Variants in ANO4 observed in about 807,000 individuals in gnomAD.
ANO4 encodes the protein anoctamin 4, also known as anoctamin-4.
A neutral mutation model predicts 141.9 loss-of-function variants in ANO4; 69 were observed. The ratio of observed to expected loss-of-function variants is 0.49; its 90% confidence interval spans 0.40 to 0.59. The LOEUF (loss-of-function observed/expected upper bound fraction) is 0.59, where lower values mean the gene tolerates loss of function less well. Ranked by LOEUF, ANO4 falls within the 20% of genes least tolerant of loss-of-function variation. The pLI, the probability that ANO4 is intolerant of heterozygous loss-of-function variation, is 0.00. For missense variants in ANO4, 894 were observed against 1,162.2 expected (o/e 0.77, Z 3.36); for synonymous variants, 350 against 394.3 (o/e 0.89, Z 1.33).
intron 5 of ANO4, among the ~76,000 whole-genome samples, chr12:100,964,751 C>T (rs1407597729): frequency 1.3e-5 from 2 of 152,136 alleles, no homozygotes; most frequent in Non-Finnish European, 2.9e-5. Flanking sequence ...ATAGAACAGC[C>T]TCCCTGAGTA....
intron 9 of ANO4, among the ~76,000 whole-genome samples, chr12:101,033,616 G>T (rs2047073393): frequency 6.6e-6 from 1 of 152,116 alleles, no homozygotes; most frequent in Admixed American, 6.6e-5. Flanking sequence ...AAAAGCAATT[G>T]CAAGAAAAGC....
intron 1 of ANO4, among the ~76,000 whole-genome samples, chr12:100,874,171 G>T (rs2039177441): frequency 6.6e-6 from 1 of 152,240 alleles, no homozygotes; most frequent in Non-Finnish European, 1.5e-5. Context: ...TGCTGCAGGG[G>T]TGGAGTCCTC....
chr12:100,863,079 G>T (rs1013257236), intron 1 of ANO4, among the ~76,000 whole-genome samples: 3 of 152,182 alleles, frequency 2.0e-5, no homozygotes, highest in Non-Finnish European at 4.4e-5. Context: ...GAGCTAGAAA[G>T]GTTCCCAACA....
At chr12:101,116,843 C>T in intron 25 of ANO4, 45 bp downstream of exon 25, 1 of 1,612,654 alleles carries the variant, frequency 6.2e-7, no homozygotes, top group Non-Finnish European at 8.5e-7. Context: ...TGGGCTGGCT[C>T]CACCGTGGGG....
chr12:100,826,354 T>C (rs1565910795), intron 1 of ANO4, among the ~76,000 whole-genome samples: 1 of 152,066 alleles, frequency 6.6e-6, no homozygotes, highest in Admixed American at 6.6e-5. Context: ...ATTCTTTTGA[T>C]GTGATATAAT....
Position 100,828,396 on chromosome 12 carries a change from G to C in ANO4, c.-141+33369G>C, listed in dbSNP as rs189839417. ...GTCAAGGCCCTGGGTCTCTGCTAGT[G>C]CTTTCCCCATCCTTTAGCATTTCTT... On this transcript the variant is annotated intron_variant, in intron 1 of 27. Transcript: ENST00000392977. Among the ~76,000 whole-genome samples, 226 of 152,130 alleles carry C rather than the reference G, an allele frequency of 1.5e-3. 1 individual carries two copies. The highest frequency in any genetic ancestry group is 5.3e-3 in the African/African-American group (222 of 41,522).
chr12:100,868,884 G>T (rs2038894327), intron 1 of ANO4, among the ~76,000 whole-genome samples: 1 of 152,162 alleles, frequency 6.6e-6, no homozygotes, highest in South Asian at 2.1e-4. Context: ...TGATAGTTTT[G>T]TTTGTTTGTT....
intron 3 of ANO4, among the ~76,000 whole-genome samples, chr12:100,771,641 A>T (rs934563262): frequency 5.3e-5 from 8 of 152,176 alleles, no homozygotes; most frequent in African/African-American, 1.9e-4. Context: ...AGGGGAAGGG[A>T]TAGGAGTGAA....
intron 1 of ANO4, among the ~76,000 whole-genome samples, chr12:100,797,679 A>G (rs549494683): frequency 4.6e-5 from 7 of 151,960 alleles, no homozygotes; most frequent in African/African-American, 9.7e-5. Flanking sequence ...AATTACAACT[A>G]TCATCAAAAC....
At chr12:101,061,983 C>T (rs1248089270) in intron 14 of ANO4, among the ~76,000 whole-genome samples, 4 of 152,038 alleles carry the variant, frequency 2.6e-5, no homozygotes, top group African/African-American at 9.7e-5. Context: ...GAATTTTCAG[C>T]CTTTTTGTGC....
chr12:100,784,938 T>G (rs960685996), intron 3 of ANO4, among the ~76,000 whole-genome samples: 1 of 148,284 alleles, frequency 6.7e-6, no homozygotes, highest in Non-Finnish European at 1.5e-5. Flanking sequence ...ATTTTTTTTT[T>G]CATCTTTTCT....
intron 5 of ANO4, among the ~76,000 whole-genome samples, chr12:100,965,148 A>G (rs2043596387): frequency 6.6e-6 from 1 of 152,196 alleles, no homozygotes; most frequent in East Asian, 1.9e-4. Flanking sequence ...ATTGTCACCT[A>G]CACAACTTTG....
chr12:100,764,161 A>G (rs1298099577), intron 3 of ANO4, among the ~76,000 whole-genome samples: 2 of 152,250 alleles, frequency 1.3e-5, no homozygotes, highest in Non-Finnish European at 2.9e-5. Flanking sequence ...CAATTTCATT[A>G]CATTAATAAC....
chr12:100,788,683 A>G (rs1422253443), intron 3 of ANO4, among the ~76,000 whole-genome samples: 1 of 152,186 alleles, frequency 6.6e-6, no homozygotes, highest in Admixed American at 6.5e-5. Context: ...AATATTCAAG[A>G]AATCCATCTT....
At chr12:100,746,453 T>TTAAAAAAAAAAAAAAAAA (rs2032112848) in intron 3 of ANO4, among the ~76,000 whole-genome samples, 4 of 146,914 alleles carry the variant, frequency 2.7e-5, no homozygotes, top group Non-Finnish European at 6.1e-5. Context: ...ACTCTGTTAT[T>TTAAAAAAAAAAAAAAAAA]AAAAAGAATG....
intron 5 of ANO4, among the ~76,000 whole-genome samples, chr12:100,961,949 C>T (rs2043443570): frequency 6.6e-6 from 1 of 152,156 alleles, no homozygotes; most frequent in African/African-American, 2.4e-5. Context: ...TGAAGTAAGT[C>T]TTCCAGACTT....
intron 7 of ANO4, among the ~76,000 whole-genome samples, chr12:100,977,966 A>G (rs916187935): frequency 5.9e-5 from 9 of 152,190 alleles, no homozygotes; most frequent in Non-Finnish European, 1.2e-4. Context: ...TCCTTCTGGA[A>G]GATCCTTTCC....
At chr12:101,082,028 C>A (rs189925789) in intron 15 of ANO4, among the ~76,000 whole-genome samples, 64 of 152,264 alleles carry the variant, frequency 4.2e-4, no homozygotes, top group Non-Finnish European at 7.6e-4. Flanking sequence ...GGAAGCAAGA[C>A]ACAATTTGGC....
At chr12:100,884,445 C>G (rs974796898) in intron 1 of ANO4, among the ~76,000 whole-genome samples, 1 of 152,100 alleles carries the variant, frequency 6.6e-6, no homozygotes, top group Non-Finnish European at 1.5e-5. Context: ...GTGGCTGTGA[C>G]CTGGGTTAAG....
Sources: gnomAD v4.1 joint callset for allele counts (sites outside exome capture counted in the v4.1 genomes callset) on GRCh38, gnomAD v4.1.1 for gene constraint, MANE v1.5 for transcripts, NCBI Gene and HGNC (gene_info 2026-07-23, HGNC 2026-07-21) for gene names.